Variants in ARHGEF18 observed in about 807,000 individuals in gnomAD.
ARHGEF18 encodes rho guanine nucleotide exchange factor 18.
In ARHGEF18, 93 loss-of-function variants were observed where a neutral mutation model predicts 155.7. The ratio of observed to expected loss-of-function variants is 0.60; its 90% CI spans 0.50 to 0.71. The LOEUF (loss-of-function observed/expected upper bound fraction) is 0.71, where lower values mean the gene tolerates loss of function less well. ARHGEF18 is among the 30% of genes least tolerant of loss of function. The pLI is 0.00. For synonymous variants in ARHGEF18, 742 were observed against 753.1 expected (o/e 0.99, Z 0.24); for missense variants, 1,593 against 1,816.1 (o/e 0.88, Z 2.23).
At chr19:7,448,707 C>A (rs552914307) in intron 15 of ARHGEF18, among the ~76,000 whole-genome samples, 14 of 152,026 alleles carry the variant, frequency 9.2e-5, no homozygotes, top group Admixed American at 8.5e-4. Context: ...AAACTTTTGT[C>A]CCCTTGCTGG....
chr19:7,384,205 A>G (rs935765956), intron 10 of ARHGEF18, among the ~76,000 whole-genome samples: 2 of 152,164 alleles, frequency 1.3e-5, no homozygotes, highest in African/African-American at 2.4e-5. Context: ...CTAAGGGGCT[A>G]TCCTGTGCAT....
intron 1 of ARHGEF18, among the ~76,000 whole-genome samples, chr19:7,355,097 CACACACACACACACACAG>C (rs1969253490): frequency 1.6e-5 from 2 of 126,340 alleles, no homozygotes; most frequent in Non-Finnish European, 1.5e-5. Context: ...CACACACACA[CACACACACACACACACAG>C]ACAATCACAG....
Position 7,455,207 on chromosome 19 carries a change from G to A in ARHGEF18, c.2105-1120G>A, listed in dbSNP as rs546790359. On this transcript the variant is annotated intron_variant, in intron 17 of 28. Transcript: ENST00000668164. ...TAGCGCCTTCTGCCTGCCAGGCGCC[G>A]AGTTGGATGGTAGGAATACACCCCA... is the stretch of plus-strand genomic sequence containing the variant. Among the ~76,000 whole-genome samples, 120 of 152,294 alleles carry A rather than the reference G, an allele frequency of 7.9e-4. 2 individuals are homozygous for A. The highest frequency in any genetic ancestry group is 2.4e-3 in the African/African-American group (101 of 41,576).
chr19:7,412,140 A>C (rs1009493573), intron 10 of ARHGEF18, among the ~76,000 whole-genome samples: 44 of 150,690 alleles, frequency 2.9e-4, no homozygotes, highest in Non-Finnish European at 8.9e-5. Context: ...GGTTCAAGCA[A>C]TTCTCCTGCC....
chr19:7,457,627 T>C (rs1163711347), intron 18 of ARHGEF18, among the ~76,000 whole-genome samples: 1 of 151,972 alleles, frequency 6.6e-6, no homozygotes, highest in Non-Finnish European at 1.5e-5. Context: ...CCTCCCAAAG[T>C]GCTGGGATTA....
downstream of ARHGEF18, chr19:7,477,004 G>T: frequency 2.3e-6 from 1 of 434,600 alleles, no homozygotes; most frequent in Non-Finnish European, 4.0e-6. Flanking sequence ...AGCCCTGCAC[G>T]GCCCCTGAAA....
At chr19:7,457,940 T>C (rs1290080625) in intron 18 of ARHGEF18, among the ~76,000 whole-genome samples, 1 of 152,142 alleles carries the variant, frequency 6.6e-6, no homozygotes, top group Non-Finnish European at 1.5e-5. Flanking sequence ...CTCGTGTGTA[T>C]GTGCATTGCC....
At chr19:7,384,041 AGAG>A (rs1159318668) in intron 10 of ARHGEF18, among the ~76,000 whole-genome samples, 3 of 152,286 alleles carry the variant, frequency 2.0e-5, no homozygotes, top group Non-Finnish European at 4.4e-5. Flanking sequence ...GAGGGAATGA[AGAG>A]GAGGAGGTGG....
chr19:7,399,460 TAG>T (rs1398834324), intron 10 of ARHGEF18, among the ~76,000 whole-genome samples: 1 of 151,972 alleles, frequency 6.6e-6, no homozygotes, highest in East Asian at 1.9e-4. Context: ...TTCAAAGCAG[TAG>T]ATACACTAAT....
intron 5 of ARHGEF18, 64 bp from the exon 6 acceptor site, chr19:7,378,330 C>T (rs1444383529): frequency 5.0e-6 from 6 of 1,205,844 alleles, no homozygotes; most frequent in Middle Eastern, 2.1e-4. Flanking sequence ...GAGGGCTCTG[C>T]TGGGCTGGTC....
intron 10 of ARHGEF18, among the ~76,000 whole-genome samples, chr19:7,426,486 CAAA>C (rs760020542): frequency 3.0e-5 from 3 of 100,774 alleles, no homozygotes; most frequent in Admixed American, 2.2e-4. Context: ...GACTCTGTCT[CAAA>C]AAAAAAAAAA....
intron 5 of ARHGEF18, among the ~76,000 whole-genome samples, chr19:7,377,540 T>C (rs1287708202): frequency 6.6e-6 from 1 of 151,934 alleles, no homozygotes; most frequent in Admixed American, 6.6e-5. Context: ...TCCCAGCACC[T>C]TGGGAGGCTG....
At chr19:7,449,326 C>A (rs1022119966) in intron 15 of ARHGEF18, among the ~76,000 whole-genome samples, 2 of 151,962 alleles carry the variant, frequency 1.3e-5, no homozygotes, top group Non-Finnish European at 2.9e-5. Flanking sequence ...AATCCCAGCA[C>A]TTTTGGGGAG....
At chr19:7,439,819 G>T in intron 10 of ARHGEF18, 1 of 1,438,974 alleles carries the variant, frequency 6.9e-7, no homozygotes. Flanking sequence ...ACTATTTACA[G>T]CAAACTCAAA....
intron 3 of ARHGEF18, among the ~76,000 whole-genome samples, 166 bp from the exon 4 acceptor site, chr19:7,375,554 C>T (rs911188504): frequency 6.6e-6 from 1 of 152,198 alleles, no homozygotes; most frequent in Non-Finnish European, 1.5e-5. Context: ...CCTTGCCACC[C>T]ACTCCTCTCA....
At chr19:7,454,910 C>A (rs1407461076) in intron 17 of ARHGEF18, among the ~76,000 whole-genome samples, 1 of 152,082 alleles carries the variant, frequency 6.6e-6, no homozygotes, top group East Asian at 1.9e-4. Context: ...TAGAGAATAC[C>A]CCCAGGACTG....
chr19:7,425,886 G>C (rs1973635322), intron 10 of ARHGEF18, among the ~76,000 whole-genome samples: 1 of 152,086 alleles, frequency 6.6e-6, no homozygotes, highest in African/African-American at 2.4e-5. Context: ...CGTAGTCCCA[G>C]CTACTCAGGA....
chr19:7,404,718 C>G (rs1327354874), intron 10 of ARHGEF18, among the ~76,000 whole-genome samples: 2 of 152,094 alleles, frequency 1.3e-5, no homozygotes, highest in Non-Finnish European at 2.9e-5. Flanking sequence ...CTGAACATCC[C>G]AGTCCTGGAG....
chr19:7,475,547 C>A (rs1471967341), downstream of ARHGEF18, among the ~76,000 whole-genome samples: 6 of 147,762 alleles, frequency 4.1e-5, no homozygotes, highest in African/African-American at 1.5e-4. Context: ...CACACACAAC[C>A]ACACACACAC....
Sources: gnomAD v4.1 joint callset for allele counts (sites outside exome capture counted in the v4.1 genomes callset) on GRCh38, gnomAD v4.1.1 for gene constraint, MANE v1.5 for transcripts, NCBI Gene and HGNC (gene_info 2026-07-23, HGNC 2026-07-21) for gene names.